The following NPAS3 variants were observed in gnomAD, a reference collection of about 807,000 sequenced individuals.
NPAS3 encodes neuronal PAS domain-containing protein 3.
A neutral mutation model predicts 73.1 loss-of-function variants in NPAS3; 14 were observed. The observed-to-expected ratio is 0.19, with a 90% CI of 0.13 to 0.30. The LOEUF (loss-of-function observed/expected upper bound fraction) is 0.30. NPAS3 is among the 10% of genes least tolerant of loss of function. The pLI is 1.00. For synonymous variants in NPAS3, 620 were observed against 541.5 expected, an observed-to-expected ratio of 1.14 and a Z score of -2.01; for missense variants, 1,096 against 1,250.0, an observed-to-expected ratio of 0.88 and a Z score of 1.86.
At chr14:33,587,756 T>C (rs2056916198) in intron 5 of NPAS3, among the ~76,000 whole-genome samples, 1 of 152,222 alleles carries the variant, frequency 6.6e-6, no homozygotes, top group South Asian at 2.1e-4. Context: ...TTATGACTCA[T>C]TTGGGTTGGA....
rs572525154 is a variant in NPAS3 at position 33,064,708 on chromosome 14, T to G, written c.140+8714T>G. Among the ~76,000 whole-genome samples, 4 of 152,278 alleles carry G rather than the reference T, an allele frequency of 2.6e-5. No homozygotes were observed. In the South Asian group the frequency reaches 8.3e-4, roughly 32 times the overall value. On this transcript the variant is annotated intron_variant, in intron 2 of 11. Transcript: ENST00000356141. ...TTCTGGAACACTTAGAAAACACAGG[T>G]AAGCATAAAGAAAGAACATCAATGT...
chr14:33,148,308 T>C (rs953537333), intron 2 of NPAS3, among the ~76,000 whole-genome samples: 1 of 152,170 alleles, frequency 6.6e-6, no homozygotes, highest in African/African-American at 2.4e-5. Flanking sequence ...GAACAATGAG[T>C]ATATAAAAAT....
intron 3 of NPAS3, among the ~76,000 whole-genome samples, chr14:33,344,201 G>A (rs765518609): frequency 6.6e-6 from 1 of 152,062 alleles, no homozygotes; most frequent in African/African-American, 2.4e-5. Context: ...CAACAAACTT[G>A]GTTTCTTTTG....
intron 5 of NPAS3, among the ~76,000 whole-genome samples, chr14:33,656,042 CTT>C: frequency 6.6e-6 from 1 of 152,258 alleles, no homozygotes; most frequent in East Asian, 1.9e-4. Context: ...AGATGCCTCT[CTT>C]GTCTCTATTC....
intron 2 of NPAS3, among the ~76,000 whole-genome samples, chr14:33,106,657 G>A (rs2042730694): frequency 6.6e-6 from 1 of 152,106 alleles, no homozygotes; most frequent in South Asian, 2.1e-4. Context: ...AAGCTAATGA[G>A]AAACAATAAT....
chr14:33,611,732 T>A (rs1413999788), intron 5 of NPAS3, among the ~76,000 whole-genome samples: 2 of 152,312 alleles, frequency 1.3e-5, no homozygotes, highest in African/African-American at 2.4e-5. Context: ...CTGTAAAAAT[T>A]GCTTCATCAT....
intron 2 of NPAS3, among the ~76,000 whole-genome samples, chr14:33,156,942 G>C (rs575280109): frequency 6.6e-6 from 1 of 152,120 alleles, no homozygotes; most frequent in Non-Finnish European, 1.5e-5. Flanking sequence ...CATTAATGCA[G>C]TATTTATAAA....
chr14:33,061,360 GAGTT>G (rs1453182630), intron 2 of NPAS3, among the ~76,000 whole-genome samples: 2 of 152,154 alleles, frequency 1.3e-5, no homozygotes, highest in African/African-American at 2.4e-5. Context: ...ATTGAGAAAA[GAGTT>G]AGAAATATAA....
At chr14:33,700,730 T>G (rs1388313316) in intron 6 of NPAS3, among the ~76,000 whole-genome samples, 1 of 152,218 alleles carries the variant, frequency 6.6e-6, no homozygotes, top group Non-Finnish European at 1.5e-5. Flanking sequence ...AGATAGTGAT[T>G]GCGTCCAGGA....
At chr14:32,945,017 G>T (rs2036194604) in intron 1 of NPAS3, among the ~76,000 whole-genome samples, 1 of 152,158 alleles carries the variant, frequency 6.6e-6, no homozygotes, top group Non-Finnish European at 1.5e-5. Flanking sequence ...GCCAGGTACA[G>T]TACTAAATAT....
chr14:33,559,974 C>T, intron 4 of NPAS3, 147 bp from the exon 5 acceptor site: 1 of 432,414 alleles, frequency 2.3e-6, no homozygotes, highest in African/African-American at 2.1e-5. Context: ...TGTGCCACTG[C>T]ACTCTAGCCT....
chr14:33,362,535 C>CGCTG (rs2045650884), intron 3 of NPAS3, among the ~76,000 whole-genome samples: 1 of 152,102 alleles, frequency 6.6e-6, no homozygotes, highest in South Asian at 2.1e-4. Flanking sequence ...CTTTCTCAGC[C>CGCTG]GCTGGCTTTG....
chr14:33,287,720 G>T (rs1327702374), intron 3 of NPAS3, among the ~76,000 whole-genome samples: 4 of 152,086 alleles, frequency 2.6e-5, no homozygotes, highest in Non-Finnish European at 4.4e-5. Flanking sequence ...TTTGGAGAAG[G>T]GGTTAGAATT....
intron 4 of NPAS3, among the ~76,000 whole-genome samples, chr14:33,514,271 C>A (rs2053197114): frequency 6.6e-6 from 1 of 151,960 alleles, no homozygotes; most frequent in Non-Finnish European, 1.5e-5. Flanking sequence ...ATAGACAGGG[C>A]AGCTTGTCCC....
chr14:33,350,947 T>G (rs17568576), intron 3 of NPAS3, among the ~76,000 whole-genome samples: 3,201 of 152,268 alleles, frequency 0.021, 52 homozygotes, highest in South Asian at 0.045. Flanking sequence ...GTGCAGCAAT[T>G]TATCTGAGTT....
At position 32,942,331 on chromosome 14, in the gene NPAS3, G is replaced by T. The variant is rs1023448795; in HGVS notation, c.50+2965G>T. ...TGTCTAACCTGTGTATAGTAATACA[G>T]TACCAAAGTCATTTCCTTATAGTAA... is the stretch of plus-strand genomic sequence containing the variant. On this transcript the variant is annotated intron_variant, in intron 1 of 11. Transcript: ENST00000356141. Among the ~76,000 whole-genome samples the T allele has an allele frequency of 5.9e-5, 9 of 152,266 alleles. No homozygotes were observed. The South Asian group carries it at 1.7e-3, about 28-fold the overall frequency.
At chr14:33,315,075 A>G (rs2043153704) in intron 3 of NPAS3, among the ~76,000 whole-genome samples, 1 of 152,014 alleles carries the variant, frequency 6.6e-6, no homozygotes, top group Non-Finnish European at 1.5e-5. Context: ...ATAGAGAAAA[A>G]CAGAGATGAG....
chr14:33,542,695 A>G (rs1475801581), intron 4 of NPAS3, among the ~76,000 whole-genome samples: 1 of 152,254 alleles, frequency 6.6e-6, no homozygotes, highest in African/African-American at 2.4e-5. Context: ...CTTTACAGGC[A>G]TTTAAGTAAA....
intron 1 of NPAS3, among the ~76,000 whole-genome samples, chr14:33,049,317 A>G (rs1022485247): frequency 5.3e-5 from 8 of 152,202 alleles, no homozygotes; most frequent in Non-Finnish European, 1.0e-4. Context: ...CAGAGAGCCA[A>G]TGCTCCCTAT....
Sources: allele counts gnomAD v4.1 joint callset (sites outside exome capture counted in the v4.1 genomes callset), GRCh38; gene constraint gnomAD v4.1.1; transcripts MANE v1.5; gene names NCBI Gene and HGNC (gene_info 2026-07-23, HGNC 2026-07-21).